The following ADGRB3 variants were observed in gnomAD, a reference collection of about 807,000 sequenced individuals.
The protein encoded by ADGRB3 is brain-specific angiogenesis inhibitor 3.
ADGRB3 carries 37 observed loss-of-function variants against 193.4 expected under a neutral mutation model. That is an observed-to-expected ratio of 0.19 (90% CI 0.15 to 0.25). ADGRB3 has a LOEUF of 0.25. Ranked by LOEUF, ADGRB3 falls within the 10% of genes least tolerant of loss-of-function variation. The pLI is 1.00. For synonymous variants in ADGRB3, 690 were observed against 644.2 expected (o/e 1.07, Z -1.08); for missense variants, 1,637 against 1,852.9 (o/e 0.88, Z 2.14).
intron 3 of ADGRB3, among the ~76,000 whole-genome samples, chr6:68,765,992 C>A (rs1259317210): frequency 1.3e-5 from 2 of 151,804 alleles, no homozygotes; most frequent in Admixed American, 1.3e-4. Flanking sequence ...CTTGTCTATT[C>A]TAAAATCACA....
chr6:68,821,669 C>T (rs1051178388), intron 3 of ADGRB3, among the ~76,000 whole-genome samples: 2 of 151,202 alleles, frequency 1.3e-5, no homozygotes, highest in Non-Finnish European at 3.0e-5. Flanking sequence ...TGCATAGTGT[C>T]ATATAAATCT....
chr6:68,705,274 T>C (rs1295890313), intron 3 of ADGRB3, among the ~76,000 whole-genome samples: 1 of 152,168 alleles, frequency 6.6e-6, no homozygotes, highest in Non-Finnish European at 1.5e-5. Flanking sequence ...GCTCAAAGAG[T>C]GTAGGGACTG....
chr6:68,994,570 A>G (rs1769331730), intron 11 of ADGRB3, among the ~76,000 whole-genome samples: 2 of 152,200 alleles, frequency 1.3e-5, no homozygotes, highest in African/African-American at 2.4e-5. Context: ...GTACTCACCC[A>G]ATGTCAGTAT....
chr6:68,874,911 T>C (rs547191253), intron 3 of ADGRB3, among the ~76,000 whole-genome samples: 57 of 152,320 alleles, frequency 3.7e-4, no homozygotes, highest in African/African-American at 1.3e-3. Context: ...AAGAGTGCTC[T>C]AGTAGTAGGG....
chr6:68,650,121 C>A (rs965331847), intron 3 of ADGRB3, among the ~76,000 whole-genome samples: 2 of 152,092 alleles, frequency 1.3e-5, no homozygotes, highest in Non-Finnish European at 2.9e-5. Flanking sequence ...TAAAATAAAT[C>A]GGAAATCAGT....
At chr6:69,007,142 C>T (rs1445367636) in intron 11 of ADGRB3, among the ~76,000 whole-genome samples, 1 of 152,126 alleles carries the variant, frequency 6.6e-6, no homozygotes, top group African/African-American at 2.4e-5. Flanking sequence ...TCTCAGCTAC[C>T]TGGGCTAAGA....
chr6:68,988,627 C>T (rs534113526), intron 10 of ADGRB3, among the ~76,000 whole-genome samples: 1 of 152,154 alleles, frequency 6.6e-6, no homozygotes, highest in African/African-American at 2.4e-5. Context: ...GAAATTAACG[C>T]AGGGGGATAT....
rs183478192 is a variant in ADGRB3 at position 68,738,553 on chromosome 6, A to G, written c.757+99121A>G. Among the ~76,000 whole-genome samples, 323 of 152,296 alleles carry G rather than the reference A, an allele frequency of 2.1e-3. 1 individual carries two copies. Among genetic ancestry groups the G allele is most frequent in the Non-Finnish European group, 3.7e-3 (255 of 68,028 alleles). ...TTTGGCTAGAGGGAGAAGGTCGTGA[A>G]GATAATGAGAAATTATTTGAGTCTG... On this transcript the variant is annotated intron_variant, in intron 3 of 31. Coordinates refer to ENST00000370598, the MANE Select transcript of ADGRB3 (RefSeq NM_001704.3).
At chr6:69,333,061 C>A in intron 24 of ADGRB3, 53 bp downstream of exon 24, 1 of 1,565,364 alleles carries the variant, frequency 6.4e-7, no homozygotes, top group South Asian at 1.1e-5. Flanking sequence ...ATCCCATACT[C>A]CAATTTCAGA....
At chr6:68,899,819 T>C (rs555060267) in intron 3 of ADGRB3, among the ~76,000 whole-genome samples, 2 of 151,976 alleles carry the variant, frequency 1.3e-5, no homozygotes, top group Non-Finnish European at 2.9e-5. Context: ...TTTTCTAAGG[T>C]TTAATGTGGT....
intron 17 of ADGRB3, among the ~76,000 whole-genome samples, chr6:69,138,885 TGTCAA>T (rs905699477): frequency 5.9e-4 from 90 of 152,346 alleles, no homozygotes; most frequent in Middle Eastern, 3.4e-3. Context: ...GCTTTATGCC[TGTCAA>T]AAGACTCTAG....
chr6:68,720,739 A>G (rs1485470438), intron 3 of ADGRB3, among the ~76,000 whole-genome samples: 1 of 151,792 alleles, frequency 6.6e-6, no homozygotes, highest in African/African-American at 2.4e-5. Context: ...TCCCACGGTT[A>G]CCATAAGAAT....
intron 17 of ADGRB3, among the ~76,000 whole-genome samples, chr6:69,133,127 A>G (rs1014928335): frequency 1.3e-4 from 20 of 152,066 alleles, no homozygotes; most frequent in African/African-American, 4.6e-4. Context: ...TTGGTTCCAT[A>G]TGAAATTTAA....
At chr6:68,657,894 A>G (rs370208298) in intron 3 of ADGRB3, among the ~76,000 whole-genome samples, 46 of 151,480 alleles carry the variant, frequency 3.0e-4, no homozygotes, top group Admixed American at 8.6e-4. Context: ...CCAAATGTAT[A>G]AACTTTTCTG....
intron 3 of ADGRB3, among the ~76,000 whole-genome samples, chr6:68,851,184 C>T (rs992362937): frequency 6.6e-6 from 1 of 152,056 alleles, no homozygotes; most frequent in African/African-American, 2.4e-5. Context: ...ATTTTTCTTT[C>T]AAGGCTGCAG....
rs1444388739 is a variant in ADGRB3 at position 69,064,159 on chromosome 6, A to G, written c.2436+1123A>G. Among the ~76,000 whole-genome samples, 20 of 152,102 alleles carry G rather than the reference A, an allele frequency of 1.3e-4. No homozygotes were observed. In the East Asian group the frequency reaches 3.1e-3, roughly 24 times the overall value. ...AGCCTTAGTTTTATAGAAAAATGATAATCACCTTTTCTGTGAATCACTTTT... is the reference window on the plus strand; with the variant it reads ...AGCCTTAGTTTTATAGAAAAATGATGATCACCTTTTCTGTGAATCACTTTT... On this transcript the variant is annotated intron_variant, in intron 16 of 31. Transcript: ENST00000370598.
chr6:69,349,004 G>A (rs1202338867), intron 26 of ADGRB3, among the ~76,000 whole-genome samples: 1 of 152,206 alleles, frequency 6.6e-6, no homozygotes, highest in African/African-American at 2.4e-5. Flanking sequence ...TTCAAGTCAA[G>A]TGACCTGATT....
At chr6:69,092,557 A>G (rs180935572) in intron 17 of ADGRB3, among the ~76,000 whole-genome samples, 4 of 152,192 alleles carry the variant, frequency 2.6e-5, no homozygotes, top group South Asian at 4.1e-4. Context: ...TGTAAGCAAC[A>G]TGTGTGAAAA....
intron 3 of ADGRB3, among the ~76,000 whole-genome samples, chr6:68,775,417 CT>C (rs1340172091): frequency 6.6e-6 from 1 of 152,038 alleles, no homozygotes; most frequent in African/African-American, 2.4e-5. Context: ...TGGACAGTGT[CT>C]TTTTTCAGGG....
Sources: allele counts gnomAD v4.1 joint callset (sites outside exome capture counted in the v4.1 genomes callset), GRCh38; gene constraint gnomAD v4.1.1; transcripts MANE v1.5; gene names NCBI Gene and HGNC (gene_info 2026-07-23, HGNC 2026-07-21).